The following SPATA9 variants were observed in gnomAD, a reference collection of about 807,000 sequenced individuals.
The protein encoded by SPATA9 is spermatogenesis associated 9, also known as spermatogenesis-associated protein 9.
A neutral mutation model predicts 25.5 loss-of-function variants in SPATA9; 27 were observed. The observed-to-expected ratio is 1.06, with a 90% confidence interval of 0.78 to 1.46. The LOEUF is 1.46. SPATA9 is among the 40% of genes most tolerant of loss of function. The probability of loss-of-function intolerance (pLI) is 0.00; values close to 1 mark genes in which losing one functional copy is unlikely to be tolerated. For missense variants in SPATA9, 282 were observed against 297.5 expected (o/e 0.95, Z 0.38); for synonymous variants, 102 against 105.7 (o/e 0.97, Z 0.21).
At chr5:95,692,573 A>G (rs568211521) in intron 1 of SPATA9, among the ~76,000 whole-genome samples, 1 of 152,024 alleles carries the variant, frequency 6.6e-6, no homozygotes, top group Non-Finnish European at 1.5e-5. Flanking sequence ...GGTTAAGTAC[A>G]AAGTTTCCTT....
chr5:95,664,897 C>T (rs1751613272), intron 3 of SPATA9, among the ~76,000 whole-genome samples: 1 of 152,028 alleles, frequency 6.6e-6, no homozygotes. Context: ...GTTCATTAGA[C>T]AACGTTCATT....
the SPATA9 span, among the ~76,000 whole-genome samples, chr5:95,722,342 C>T: frequency 9.9e-5 from 15 of 152,152 alleles, no homozygotes; most frequent in Non-Finnish European, 1.6e-4. Flanking sequence ...TATTATACCA[C>T]TTAACTCTAA....
intron 2 of SPATA9, among the ~76,000 whole-genome samples, chr5:95,676,138 T>C (rs77168905): frequency 6.4e-4 from 98 of 152,262 alleles, no homozygotes; most frequent in African/African-American, 2.2e-3. Flanking sequence ...TCTTTATATA[T>C]GTATATTTTT....
chr5:95,726,378 A>C, the SPATA9 span, among the ~76,000 whole-genome samples: 2 of 152,166 alleles, frequency 1.3e-5, no homozygotes, highest in Non-Finnish European at 2.9e-5. Flanking sequence ...GGAAGTATTG[A>C]CTTGTATATA....
At chr5:95,653,523 GC>G (rs1437785195), downstream of SPATA9, among the ~76,000 whole-genome samples, 1 of 152,208 alleles carries the variant, frequency 6.6e-6, no homozygotes, top group Non-Finnish European at 1.5e-5. Flanking sequence ...TACAACTCTA[GC>G]CTCAGATTGA....
chr5:95,655,339 G>A (rs1194238679), downstream of SPATA9: 1 of 152,186 alleles, frequency 6.6e-6, no homozygotes, highest in Non-Finnish European at 1.5e-5. Context: ...ACATGTGTGA[G>A]CTGATAATAG....
At chr5:95,723,565 T>A in the SPATA9 span, among the ~76,000 whole-genome samples, 1 of 152,246 alleles carries the variant, frequency 6.6e-6, no homozygotes, top group Non-Finnish European at 1.5e-5. Flanking sequence ...TTTGTTTTTT[T>A]AAAAAGCTAA....
At chr5:95,668,301 G>T (rs1247270193) in intron 3 of SPATA9, among the ~76,000 whole-genome samples, 1 of 152,064 alleles carries the variant, frequency 6.6e-6, no homozygotes, top group East Asian at 1.9e-4. Context: ...TATTGTTTAA[G>T]GGTCATATTT....
At chr5:95,714,858 A>G in the SPATA9 span, among the ~76,000 whole-genome samples, 18 of 152,202 alleles carry the variant, frequency 1.2e-4, 1 homozygote, top group Admixed American at 1.2e-3. Flanking sequence ...TCCAGTATGT[A>G]GGAATAAAAC....
intron 3 of SPATA9, among the ~76,000 whole-genome samples, chr5:95,668,686 CAT>C (rs1436853631): frequency 6.6e-6 from 1 of 152,130 alleles, no homozygotes; most frequent in Non-Finnish European, 1.5e-5. Context: ...TTATGTAAAA[CAT>C]GTAAAATATA....
upstream of SPATA9, chr5:95,698,858 A>T (rs1297305302): frequency 6.6e-6 from 1 of 152,226 alleles, no homozygotes; most frequent in East Asian, 1.9e-4. Flanking sequence ...ATCATTATTT[A>T]TTTATTTATT....
chr5:95,719,415 G>C, the SPATA9 span, among the ~76,000 whole-genome samples: 1 of 152,184 alleles, frequency 6.6e-6, no homozygotes, highest in Non-Finnish European at 1.5e-5. Context: ...GGTAAACCTA[G>C]ATGGCCAAGA....
At chr5:95,714,184 G>A in the SPATA9 span, among the ~76,000 whole-genome samples, 1 of 152,118 alleles carries the variant, frequency 6.6e-6, no homozygotes, top group African/African-American at 2.4e-5. Context: ...TGCTGGGGAA[G>A]GATCAACTGG....
At chr5:95,712,898 T>TG in the SPATA9 span, among the ~76,000 whole-genome samples, 1 of 148,850 alleles carries the variant, frequency 6.7e-6, no homozygotes, top group Admixed American at 6.8e-5. Context: ...TTTTTTTAAT[T>TG]GCTTTTTTTA....
chr5:95,672,452 G>T (rs1446041684), intron 3 of SPATA9, among the ~76,000 whole-genome samples: 1 of 148,850 alleles, frequency 6.7e-6, no homozygotes, highest in Non-Finnish European at 1.5e-5. Context: ...AAGGCCAAAA[G>T]AGGTTTTTTT....
chr5:95,659,277 T>C (rs964777732), intron 4 of SPATA9: 6 of 178,452 alleles, frequency 3.4e-5, no homozygotes, highest in Admixed American at 1.1e-4. Context: ...AGTTTTTTTG[T>C]TTTAATTTTC....
intron 3 of SPATA9, among the ~76,000 whole-genome samples, chr5:95,668,516 A>C (rs1331420218): frequency 6.6e-6 from 1 of 152,208 alleles, no homozygotes; most frequent in African/African-American, 2.4e-5. Context: ...CTAAGAGAAA[A>C]AACAGGAGAA....
the SPATA9 span, among the ~76,000 whole-genome samples, chr5:95,714,274 A>C: frequency 6.6e-6 from 1 of 152,186 alleles, no homozygotes; most frequent in East Asian, 1.9e-4. Context: ...TCTGAGAGTC[A>C]TCAATGTAGG....
At chr5:95,719,760 C>T in the SPATA9 span, 1 of 152,194 alleles carries the variant, frequency 6.6e-6, no homozygotes, top group Non-Finnish European at 1.5e-5. Context: ...CCAATCTTTC[C>T]TAAATGGCTG....
Sources: allele counts gnomAD v4.1 joint callset (sites outside exome capture counted in the v4.1 genomes callset), GRCh38; gene constraint gnomAD v4.1.1; transcripts MANE v1.5; gene names NCBI Gene and HGNC (gene_info 2026-07-23, HGNC 2026-07-21).